Variants in ZNRF2 observed in about 807,000 individuals in gnomAD.
The protein encoded by ZNRF2 is zinc and ring finger 2, also known as E3 ubiquitin-protein ligase ZNRF2.
ZNRF2 carries 16 observed loss-of-function variants against 20.4 expected under a neutral mutation model. The observed-to-expected ratio is 0.79, with a 90% confidence interval of 0.53 to 1.19. ZNRF2 has a LOEUF of 1.19. ZNRF2 is among the 50% of genes most tolerant of loss of function. ZNRF2 has a pLI of 0.00. For synonymous variants in ZNRF2, 178 were observed against 144.9 expected (o/e 1.23, Z -1.64); for missense variants, 363 against 332.4 (o/e 1.09, Z -0.72).
chr7:30,362,419 G>A lies in ZNRF2; in HGVS notation c.714G>A (p.Glu238=), dbSNP rs747638902. Residue 238 remains glutamate, a synonymous_variant, in exon 4 of 5, where the codon GAG becomes GAA. Transcript: ENST00000323037. Reference sequence around the variant, plus strand: ...TTGAAGTAAATAGATCTTGCCCTGAGCACCCTTCAGATTAAGCGTCAGCTT... The same window carrying A: ...TTGAAGTAAATAGATCTTGCCCTGAACACCCTTCAGATTAAGCGTCAGCTT... The part of the protein sequence containing the change: ...EWFEVNRSCP[E]HPSD 2.4e-4 allele frequency: 380 copies of A among 1,598,950 alleles called. No homozygotes were observed. The highest frequency in any genetic ancestry group is 3.1e-4 in the Non-Finnish European group (364 of 1,170,538).
intron 1 of ZNRF2, among the ~76,000 whole-genome samples, chr7:30,300,444 G>A (rs1392270126): frequency 6.6e-6 from 1 of 152,186 alleles, no homozygotes; most frequent in Non-Finnish European, 1.5e-5. Context: ...ACCACACCCA[G>A]CCAGAATACC....
At chr7:30,287,323 C>T (rs1798809761) in intron 1 of ZNRF2, among the ~76,000 whole-genome samples, 1 of 152,140 alleles carries the variant, frequency 6.6e-6, no homozygotes, top group African/African-American at 2.4e-5. Flanking sequence ...TAATGTTTAT[C>T]ATTATCTTTT....
chr7:30,285,677 G>C lies in ZNRF2; in HGVS notation c.320G>C (p.Ser107Thr). 2.1e-6 allele frequency: 3 copies of C among 1,447,198 alleles called. No individual in the cohort carries two copies. Among genetic ancestry groups the C allele is most frequent in the South Asian group, 2.7e-5 (2 of 73,750 alleles). 89.6% of individuals were successfully genotyped at this position (1,447,198 alleles called of 1,614,324 possible). ...TCCCCCTTCAGCATCCCGAACAGCA[G>C]CAGCGGCCCGTACGGCTCGCAGGAC... ...AQSPFSIPNS[S>T]SGPYGSQDSV... The change falls in exon 1 of 5, where the codon AGC becomes ACC. Residue 107 changes from serine to threonine, a missense_variant. By Grantham distance (58) the Ser-to-Thr change is moderately conservative. This residue lies in a region of ZNRF2 where 302 missense variants were observed against 231.5 expected (regional missense o/e 1.30). Coordinates refer to ENST00000323037, the MANE Select transcript of ZNRF2 (RefSeq NM_147128.4).
chr7:30,347,079 G>A (rs1001251483), intron 2 of ZNRF2, among the ~76,000 whole-genome samples: 1 of 151,588 alleles, frequency 6.6e-6, no homozygotes, highest in Non-Finnish European at 1.5e-5. Flanking sequence ...CATTTATTCT[G>A]TCCCTATAGT....
intron 2 of ZNRF2, among the ~76,000 whole-genome samples, chr7:30,343,897 C>T (rs1420622406): frequency 7.4e-6 from 1 of 135,244 alleles, no homozygotes; most frequent in Non-Finnish European, 1.6e-5. Flanking sequence ...AAAAATGTTT[C>T]ACTGGGTGGC....
intron 2 of ZNRF2, among the ~76,000 whole-genome samples, chr7:30,337,500 T>C (rs1417715891): frequency 4.6e-5 from 7 of 152,134 alleles, no homozygotes; most frequent in Non-Finnish European, 7.4e-5. Context: ...ACTCAGTGAG[T>C]TGCATTGTGG....
At chr7:30,298,206 G>A (rs1343615746) in intron 1 of ZNRF2, among the ~76,000 whole-genome samples, 8 of 151,504 alleles carry the variant, frequency 5.3e-5, no homozygotes, top group South Asian at 2.1e-4. Flanking sequence ...TTACTGATAC[G>A]AATTTACATG....
At chr7:30,350,301 A>G (rs548302258) in intron 2 of ZNRF2, among the ~76,000 whole-genome samples, 3 of 152,166 alleles carry the variant, frequency 2.0e-5, no homozygotes, top group East Asian at 1.9e-4. Flanking sequence ...GTCATCATCA[A>G]AAGAGTAACA....
chr7:30,325,536 C>T (rs550899829), intron 2 of ZNRF2, among the ~76,000 whole-genome samples: 4 of 152,246 alleles, frequency 2.6e-5, no homozygotes, highest in South Asian at 4.1e-4. Flanking sequence ...GAGCTTTCTC[C>T]TCAGGTAACA....
chr7:30,332,780 T>G (rs1799655916), intron 2 of ZNRF2, among the ~76,000 whole-genome samples: 1 of 152,206 alleles, frequency 6.6e-6, no homozygotes, highest in African/African-American at 2.4e-5. Context: ...CCACCATTGA[T>G]GGGCACTTAG....
intron 2 of ZNRF2, among the ~76,000 whole-genome samples, chr7:30,330,144 A>G (rs1250362305): frequency 1.3e-5 from 2 of 152,322 alleles, no homozygotes; most frequent in East Asian, 3.9e-4. Flanking sequence ...GATTCAAGGC[A>G]GTAAGATTTA....
At chr7:30,324,209 C>G (rs976975179) in intron 2 of ZNRF2, among the ~76,000 whole-genome samples, 2 of 151,740 alleles carry the variant, frequency 1.3e-5, no homozygotes, top group African/African-American at 4.8e-5. Flanking sequence ...CTGGAAAACT[C>G]TGCTGCTATA....
chr7:30,365,611 A>G (rs1159422423), intron 4 of ZNRF2, among the ~76,000 whole-genome samples: 1 of 152,164 alleles, frequency 6.6e-6, no homozygotes, highest in African/African-American at 2.4e-5. Flanking sequence ...TTAAAGGTAT[A>G]TGGGTTTGAG....
At chr7:30,364,575 T>A (rs1270290181) in intron 4 of ZNRF2, among the ~76,000 whole-genome samples, 1 of 152,228 alleles carries the variant, frequency 6.6e-6, no homozygotes, top group Non-Finnish European at 1.5e-5. Context: ...TGTGCACATA[T>A]GTTTTTATTT....
intron 1 of ZNRF2, among the ~76,000 whole-genome samples, chr7:30,301,750 A>G (rs1176315070): frequency 6.6e-6 from 1 of 151,736 alleles, no homozygotes; most frequent in Non-Finnish European, 1.5e-5. Flanking sequence ...ATTTGAATAT[A>G]CTAGAGCGGG....
In ZNRF2 at chr7:30,285,227, G is replaced by C; in HGVS notation, c.-131G>C. 1.5e-6 allele frequency: 1 copy of C among 673,888 alleles called. No homozygotes were observed. Among genetic ancestry groups the C allele is most frequent in the Non-Finnish European group, 2.0e-6 (1 of 502,460 alleles). The allele number at this position is 673,888 out of a possible 1,614,324, so 41.7% of individuals were successfully genotyped here. ...ACTGCCCCTCTGGACGCCGGGCGGC[G>C]GCCCTGGACGTGCGGGGGCCTCTCT... is the stretch of plus-strand genomic sequence containing the variant. On this transcript the variant is annotated 5_prime_UTR_variant, in exon 1 of 5. Transcript: ENST00000323037.
intron 4 of ZNRF2, among the ~76,000 whole-genome samples, chr7:30,364,732 C>T (rs894215172): frequency 2.0e-5 from 3 of 152,084 alleles, no homozygotes; most frequent in Non-Finnish European, 2.9e-5. Flanking sequence ...TTTTACATGC[C>T]AAAGTAATAC....
At chr7:30,297,513 G>T (rs1371633348) in intron 1 of ZNRF2, among the ~76,000 whole-genome samples, 2 of 152,064 alleles carry the variant, frequency 1.3e-5, no homozygotes, top group Non-Finnish European at 1.5e-5. Context: ...TTAGTACTTT[G>T]ACTTGATATA....
intron 1 of ZNRF2, chr7:30,289,977 T>C (rs1798871224): frequency 2.1e-6 from 1 of 485,802 alleles, no homozygotes; most frequent in South Asian, 1.6e-5. Flanking sequence ...ATATCAACTT[T>C]TAAACTATTT....
Sources: gnomAD v4.1 joint callset for allele counts (sites outside exome capture counted in the v4.1 genomes callset) on GRCh38, gnomAD v4.1.1 for gene constraint, gnomAD v4.1.1 regional missense constraint, MANE v1.5 for transcripts, NCBI Gene and HGNC (gene_info 2026-07-23, HGNC 2026-07-21) for gene names.